Variants in PFKFB4 observed in about 807,000 individuals in gnomAD.
PFKFB4 encodes 6-phosphofructo-2-kinase/fructose-2,6-bisphosphatase 4.
Under a neutral mutation model 62.8 loss-of-function variants are expected in PFKFB4, and 42 were observed. That is an observed-to-expected ratio of 0.67 (90% confidence interval 0.52 to 0.86). PFKFB4 has a LOEUF of 0.86. PFKFB4 is among the 40% of genes least tolerant of loss of function. The pLI, the probability that PFKFB4 is intolerant of heterozygous loss-of-function variation, is 0.00. For missense variants in PFKFB4, 475 were observed against 627.2 expected, an observed-to-expected ratio of 0.76 and a Z score of 2.59; for synonymous variants, 204 against 240.7, an observed-to-expected ratio of 0.85 and a Z score of 1.41.
intron 4 of PFKFB4, among the ~76,000 whole-genome samples, chr3:48,540,923 T>C (rs755018866): frequency 6.6e-6 from 1 of 151,806 alleles, no homozygotes; most frequent in Non-Finnish European, 1.5e-5. Flanking sequence ...TACAGCTACT[T>C]GTGCCACCAC....
chr3:48,556,573 G>T lies in PFKFB4; in HGVS notation c.97+108C>A. The T allele has an allele frequency of 7.6e-7, 1 of 1,312,158 alleles. No individual in the cohort carries two copies. The highest frequency in any genetic ancestry group is 1.0e-6 in the Non-Finnish European group (1 of 967,050). The allele number at this position is 1,312,158 out of a possible 1,614,324, so 81.3% of individuals were successfully genotyped here. On this transcript the variant is annotated intron_variant, in intron 1 of 13. Transcript: ENST00000232375. The surrounding 1 kb of genome is among the most constrained non-coding windows in gnomAD (Gnocchi z 5.7). ...GTCACGGCAACCTCACCTGTCCCCG[G>T]TTCCCCATCTGTCTCCCGCCCCTTC...
At chr3:48,529,179 A>G (rs2042355776) in intron 9 of PFKFB4, among the ~76,000 whole-genome samples, 1 of 152,172 alleles carries the variant, frequency 6.6e-6, no homozygotes, top group African/African-American at 2.4e-5. Context: ...CTGGGATTAC[A>G]GGTGTGCGCC....
chr3:48,560,978 C>A (rs2043423298), upstream of PFKFB4: 17 of 749,186 alleles, frequency 2.3e-5, no homozygotes, highest in Admixed American at 8.1e-5. Context: ...ACTCTCGCAC[C>A]CCTCCAGCAC....
At chr3:48,556,972 G>C, upstream of PFKFB4, 1 of 1,391,120 alleles carries the variant, frequency 7.2e-7, no homozygotes, top group Non-Finnish European at 9.3e-7. This position sits in a 1 kb window ranked among gnomAD's most constrained non-coding sequence, Gnocchi z 5.7. Flanking sequence ...GACCACGCAT[G>C]CCCAACTCAC....
chr3:48,538,721 C>T (rs556227208), intron 6 of PFKFB4, 102 bp from the exon 7 acceptor site: 46 of 1,479,624 alleles, frequency 3.1e-5, no homozygotes, highest in African/African-American at 1.9e-4. Context: ...GAGGTTGCAC[C>T]GGAGACCAGT....
chr3:48,519,476 A>C lies in PFKFB4; in HGVS notation c.*271T>G. The C allele has an allele frequency of 2.2e-6, 1 of 464,376 alleles. No individual in the cohort carries two copies. The highest frequency in any genetic ancestry group is 3.9e-6 in the Non-Finnish European group (1 of 256,746). The allele number at this position is 464,376 out of a possible 1,614,324, so 28.8% of individuals were successfully genotyped here. On this transcript the variant is annotated 3_prime_UTR_variant, in exon 14 of 14. Coordinates refer to ENST00000232375, the MANE Select transcript of PFKFB4 (RefSeq NM_004567.4). ...AACACCTAAGAGCTGCGCCGGAAGA[A>C]ACTGGGGCTGGGCAACCTCCGCGCA... is the stretch of plus-strand genomic sequence containing the variant.
In PFKFB4 at chr3:48,539,488, AG is replaced by A. The variant is rs2107538582; in HGVS notation, c.454-179del. The stretch of plus-strand genomic sequence containing the variant: ...GGGTCAAGGAGTCCAGAGCTAAAGC[AG>A]GTGCTGCCCTCTCCTAGACTCTCCC... On this transcript the variant is annotated intron_variant, in intron 5 of 13. Coordinates refer to ENST00000232375, the MANE Select transcript of PFKFB4 (RefSeq NM_004567.4). The A allele has an allele frequency of 4.2e-6, 3 of 706,954 alleles. No homozygotes were observed. In the East Asian group the frequency reaches 8.1e-5, roughly 19 times the overall value. 43.8% of individuals were successfully genotyped at this position (706,954 alleles called of 1,614,324 possible).
chr3:48,545,590 G>C (rs1269420046), intron 3 of PFKFB4, among the ~76,000 whole-genome samples: 3 of 151,972 alleles, frequency 2.0e-5, no homozygotes, highest in Non-Finnish European at 2.9e-5. Flanking sequence ...GCACTGAAAA[G>C]AGCTCTACTC....
At chr3:48,539,158 C>G in intron 6 of PFKFB4, 96 bp downstream of exon 6, 2 of 920,178 alleles carry the variant, frequency 2.2e-6, no homozygotes, top group Non-Finnish European at 3.6e-6. Context: ...CTCCCTACCC[C>G]CACAAGGTTC....
In PFKFB4 at chr3:48,538,605, G is replaced by GA; in HGVS notation, c.524_525insT (p.Ser176GlnfsTer3). The GA allele has an allele frequency of 6.2e-7, 1 of 1,613,940 alleles. No homozygotes were observed. Among genetic ancestry groups the GA allele is most frequent in the Non-Finnish European group, 8.5e-7 (1 of 1,179,944 alleles). On this transcript the variant is annotated frameshift_variant, in exon 7 of 14. Coordinates refer to ENST00000232375, the MANE Select transcript of PFKFB4 (RefSeq NM_004567.4). LOFTEE classifies it high-confidence loss of function. ...TGTCGCGGTTGACATAGTCAGGGCTGCCCAGTTTCACTTGCTGCCGGAGCC... is the reference window on the plus strand; with the variant it reads ...TGTCGCGGTTGACATAGTCAGGGCTGACCCAGTTTCACTTGCTGCCGGAGCC...
chr3:48,541,464 CAG>C (rs1332310070), intron 4 of PFKFB4, among the ~76,000 whole-genome samples: 2 of 151,998 alleles, frequency 1.3e-5, no homozygotes, highest in Non-Finnish European at 1.5e-5. Flanking sequence ...TCTGTAGACA[CAG>C]AGTCTCGCTA....
At chr3:48,526,810 T>C (rs1461593037) in intron 9 of PFKFB4, among the ~76,000 whole-genome samples, 3 of 147,534 alleles carry the variant, frequency 2.0e-5, no homozygotes, top group Non-Finnish European at 4.5e-5. Flanking sequence ...GCGTGGTGGC[T>C]CACGCCTGTA....
intron 10 of PFKFB4, 49 bp from the exon 11 acceptor site, chr3:48,523,879 G>A (rs764616435): frequency 1.9e-6 from 3 of 1,587,392 alleles, no homozygotes; most frequent in Admixed American, 3.4e-5. Flanking sequence ...TCCGGGGGAG[G>A]GACAGACACA....
chr3:48,559,977 G>A (rs2043408231), upstream of PFKFB4: 1 of 199,792 alleles, frequency 5.0e-6, no homozygotes, highest in South Asian at 6.2e-5. Context: ...CCAGCCTGGA[G>A]CACATAGTGC....
chr3:48,525,027 C>A (rs1176795817), intron 10 of PFKFB4, among the ~76,000 whole-genome samples: 1 of 152,000 alleles, frequency 6.6e-6, no homozygotes, highest in Non-Finnish European at 1.5e-5. Flanking sequence ...CAGCCTGTGA[C>A]AAGAGGAAGC....
intron 1 of PFKFB4, among the ~76,000 whole-genome samples, chr3:48,555,050 C>A (rs2043270045): frequency 1.5e-4 from 9 of 59,466 alleles, no homozygotes; most frequent in South Asian, 5.9e-4. Context: ...AACTCCGTCT[C>A]AAAAAAAAAA....
At chr3:48,560,281 T>A (rs1181806715), upstream of PFKFB4, among the ~76,000 whole-genome samples, 1 of 152,150 alleles carries the variant, frequency 6.6e-6, no homozygotes, top group Non-Finnish European at 1.5e-5. Context: ...CTCTGCTGCC[T>A]CCCTTCCCAC....
chr3:48,551,078 G>A (rs1474048426), intron 1 of PFKFB4, among the ~76,000 whole-genome samples: 1 of 152,204 alleles, frequency 6.6e-6, no homozygotes, highest in Non-Finnish European at 1.5e-5. Context: ...CCACAGGTCA[G>A]TGTGCCAGCC....
In PFKFB4 at chr3:48,517,846, CATGCGG is replaced by C. The variant is rs2041967738; in HGVS notation, c.*1895_*1900del. The C allele has an allele frequency of 6.5e-6, 1 of 152,700 alleles. No homozygotes were observed. The highest frequency in any genetic ancestry group is 1.5e-5 in the Non-Finnish European group (1 of 68,086). 9.5% of individuals were successfully genotyped at this position (152,700 alleles called of 1,614,324 possible). ...GCAGCCAATCAGCTACACCTCAGCC[CATGCGG>C]AGACCATGCCAGGGCAGAGGCCGGG... On this transcript the variant is annotated 3_prime_UTR_variant, in exon 14 of 14. Coordinates refer to ENST00000232375, the MANE Select transcript of PFKFB4 (RefSeq NM_004567.4).
Sources: allele counts gnomAD v4.1 joint callset (sites outside exome capture counted in the v4.1 genomes callset), GRCh38; gene constraint gnomAD v4.1.1; non-coding constraint Gnocchi (gnomAD v3.1); transcripts MANE v1.5; gene names NCBI Gene and HGNC (gene_info 2026-07-23, HGNC 2026-07-21).